The following FLVCR2 variants were observed in gnomAD, a reference collection of about 807,000 sequenced individuals.
FLVCR2 encodes choline/ethanolamine transporter FLVCR2.
In FLVCR2, 38 loss-of-function variants were observed where a neutral mutation model predicts 48.9. The observed-to-expected ratio is 0.78, with a 90% confidence interval of 0.60 to 1.02. The LOEUF (loss-of-function observed/expected upper bound fraction) is 1.02. Ranked by LOEUF, FLVCR2 falls within the 50% of genes least tolerant of loss-of-function variation. The pLI, the probability that FLVCR2 is intolerant of heterozygous loss-of-function variation, is 0.00. For missense variants in FLVCR2, 664 were observed against 663.3 expected, an observed-to-expected ratio of 1.00 and a Z score of -0.01; for synonymous variants, 255 against 257.0, an observed-to-expected ratio of 0.99 and a Z score of 0.07.
intron 1 of FLVCR2, among the ~76,000 whole-genome samples, chr14:75,582,870 A>G (rs1239631954): frequency 2.0e-5 from 3 of 152,228 alleles, no homozygotes; most frequent in Non-Finnish European, 4.4e-5. Context: ...ATGCCTAGGA[A>G]GGAAAGAAGT....
chr14:75,591,022 A>G (rs1053395169), intron 1 of FLVCR2, among the ~76,000 whole-genome samples: 1 of 152,226 alleles, frequency 6.6e-6, no homozygotes, highest in African/African-American at 2.4e-5. Flanking sequence ...TACTTCCAAT[A>G]TACAACGGTT....
At chr14:75,607,383 G>A (rs1029630284) in intron 1 of FLVCR2, among the ~76,000 whole-genome samples, 3 of 152,194 alleles carry the variant, frequency 2.0e-5, no homozygotes, top group Non-Finnish European at 4.4e-5. Context: ...GTTTATTTGA[G>A]CAAACAGTGA....
chr14:75,645,301 T>C (rs73307504), intron 9 of FLVCR2, among the ~76,000 whole-genome samples: 2,299 of 152,290 alleles, frequency 0.015, 51 homozygotes, highest in African/African-American at 0.053. Flanking sequence ...GCCCTGTGCA[T>C]GTCCTCTAGG....
chr14:75,635,326 GA>G (rs913298961), intron 5 of FLVCR2, among the ~76,000 whole-genome samples: 2 of 151,874 alleles, frequency 1.3e-5, no homozygotes, highest in Admixed American at 6.6e-5. Context: ...AATGAATGGG[GA>G]AAAAAAATCT....
chr14:75,610,162 T>A (rs1027668099), intron 1 of FLVCR2, among the ~76,000 whole-genome samples: 18 of 152,214 alleles, frequency 1.2e-4, no homozygotes, highest in Admixed American at 1.1e-3. Flanking sequence ...ATGGGGAAGT[T>A]CTGTGACCAC....
chr14:75,584,742 G>T (rs182987982), intron 1 of FLVCR2, among the ~76,000 whole-genome samples: 1 of 152,158 alleles, frequency 6.6e-6, no homozygotes, highest in Non-Finnish European at 1.5e-5. Context: ...ACTCTTTCCC[G>T]TTCATCTGGG....
In FLVCR2 at chr14:75,646,576, G is replaced by A. The variant is rs1007043063; in HGVS notation, c.*104G>A. 5.2e-5 allele frequency: 42 copies of A among 800,938 alleles called. No homozygotes were observed. In the South Asian group the frequency reaches 5.4e-4, roughly 10 times the overall value. The allele number at this position is 800,938 out of a possible 1,614,324, so 49.6% of individuals were successfully genotyped here. A position where few individuals can be genotyped will look rare whatever the true frequency, so the allele number is the denominator to read the frequency against. ...GCTTCGCTAGAGATGTTTTTGGAGGGAATCAGTGGGACTATTTGTGGCATG... is the reference window on the plus strand; with the variant it reads ...GCTTCGCTAGAGATGTTTTTGGAGGAAATCAGTGGGACTATTTGTGGCATG... On this transcript the variant is annotated 3_prime_UTR_variant, in exon 10 of 10. Coordinates refer to ENST00000238667, the MANE Select transcript of FLVCR2 (RefSeq NM_017791.3).
chr14:75,644,142 G>A (rs907713812), intron 9 of FLVCR2, among the ~76,000 whole-genome samples: 2 of 27,912 alleles, frequency 7.2e-5, no homozygotes, highest in African/African-American at 7.2e-4. Context: ...ATTATGTCAA[G>A]TGACATAAGA....
Position 75,620,728 on chromosome 14 carries a change from G to C in FLVCR2, c.670-1351G>C, listed in dbSNP as rs116545013. 3.8e-3 allele frequency among the ~76,000 whole-genome samples: 579 copies of C among 152,302 alleles called. 5 individuals carry two copies. Among genetic ancestry groups the C allele is most frequent in the African/African-American group, 0.013 (551 of 41,554 alleles). Reference sequence around the variant, plus strand: ...ATACTGGTATAAAGAACTCTACACAGCAACTATGAGTGACCACTTTTGTGA... The same window carrying C: ...ATACTGGTATAAAGAACTCTACACACCAACTATGAGTGACCACTTTTGTGA... On this transcript the variant is annotated intron_variant, in intron 1 of 9. Transcript: ENST00000238667.
chr14:75,596,181 G>A (rs761738287), intron 1 of FLVCR2: 1 of 739,828 alleles, frequency 1.4e-6, no homozygotes, highest in Non-Finnish European at 2.5e-6. Context: ...GAACTTTCTA[G>A]TGTGGATAGT....
intron 1 of FLVCR2, among the ~76,000 whole-genome samples, chr14:75,616,639 T>A (rs1281542241): frequency 6.6e-6 from 1 of 152,128 alleles, no homozygotes; most frequent in Non-Finnish European, 1.5e-5. Flanking sequence ...GGGAGAGGAA[T>A]GAGCCAATTG....
chr14:75,634,416 G>A (rs1420694560), intron 4 of FLVCR2, among the ~76,000 whole-genome samples: 1 of 152,148 alleles, frequency 6.6e-6, no homozygotes, highest in African/African-American at 2.4e-5. Flanking sequence ...GGGGAATGGC[G>A]AGGAGTAAAT....
chr14:75,592,796 C>G (rs1888918005), intron 1 of FLVCR2, among the ~76,000 whole-genome samples: 2 of 151,884 alleles, frequency 1.3e-5, no homozygotes, highest in African/African-American at 2.4e-5. Context: ...CGAGACTAGC[C>G]TGGCCAACAT....
At chr14:75,628,564 A>T (rs1182369701) in intron 3 of FLVCR2, among the ~76,000 whole-genome samples, 1 of 152,228 alleles carries the variant, frequency 6.6e-6, no homozygotes, top group African/African-American at 2.4e-5. Context: ...TTTAAAGAGC[A>T]TGTGGCTAGG....
At chr14:75,638,196 G>A (rs1205384198) in intron 5 of FLVCR2, among the ~76,000 whole-genome samples, 1 of 152,154 alleles carries the variant, frequency 6.6e-6, no homozygotes, top group Non-Finnish European at 1.5e-5. Flanking sequence ...AACACTTTGG[G>A]AGGCCAAGGC....
At chr14:75,613,022 C>T (rs775804323) in intron 1 of FLVCR2, among the ~76,000 whole-genome samples, 11 of 152,110 alleles carry the variant, frequency 7.2e-5, no homozygotes, top group Non-Finnish European at 1.6e-4. Context: ...TGCAGACTTG[C>T]CTAAATAGTA....
rs1043633278 is a variant in FLVCR2 at position 75,595,731 on chromosome 14, C to A, written c.669+16090C>A. The A allele has an allele frequency of 1.4e-5, 9 of 623,580 alleles. No homozygotes were observed. The African/African-American group carries it at 1.5e-4, about 10-fold the overall frequency. 38.6% of individuals were successfully genotyped at this position (623,580 alleles called of 1,614,324 possible). On this transcript the variant is annotated intron_variant, in intron 1 of 9. Coordinates refer to ENST00000238667, the MANE Select transcript of FLVCR2 (RefSeq NM_017791.3). Reference sequence around the variant, plus strand: ...TTGTTTGTTTGTTTTTGTGTTTTCACATGAAAGTGTTTAGTTTATTAATAT... The same window carrying A: ...TTGTTTGTTTGTTTTTGTGTTTTCAAATGAAAGTGTTTAGTTTATTAATAT...
At chr14:75,590,236 A>G (rs962368723) in intron 1 of FLVCR2, among the ~76,000 whole-genome samples, 16 of 152,144 alleles carry the variant, frequency 1.1e-4, no homozygotes, top group African/African-American at 3.9e-4. Context: ...TGAGAGTGAC[A>G]ACTCACTACT....
rs182519588 is a variant in FLVCR2, at chr14:75,585,744, G to C, written c.669+6103G>C. On this transcript the variant is annotated intron_variant, in intron 1 of 9. Transcript: ENST00000238667. Reference sequence around the variant, plus strand: ...CGCAATGATTAAACACCAAGGGAAGGCTGCCTTCCCGAGTCCATGACCGGT... The same window carrying C: ...CGCAATGATTAAACACCAAGGGAAGCCTGCCTTCCCGAGTCCATGACCGGT... Among the ~76,000 whole-genome samples, 53 of 152,336 alleles carry C rather than the reference G, an allele frequency of 3.5e-4. No individual in the cohort carries two copies. The East Asian group carries it at 8.1e-3, about 23-fold the overall frequency.
Sources: allele counts gnomAD v4.1 joint callset (sites outside exome capture counted in the v4.1 genomes callset), GRCh38; gene constraint gnomAD v4.1.1; transcripts MANE v1.5; gene names NCBI Gene and HGNC (gene_info 2026-07-23, HGNC 2026-07-21).